The following CTNNA3 variants were observed in gnomAD, a reference collection of about 807,000 sequenced individuals.
The protein encoded by CTNNA3 is catenin alpha-3.
Under a neutral mutation model 95.7 loss-of-function variants are expected in CTNNA3, and 76 were observed. The observed-to-expected ratio is 0.79, with a 90% confidence interval of 0.66 to 0.96. The LOEUF is 0.96. CTNNA3 is among the 40% of genes least tolerant of loss of function. The pLI is 0.00. For missense variants in CTNNA3, 1,191 were observed against 1,089.8 expected (o/e 1.09, Z -1.31); for synonymous variants, 431 against 374.4 (o/e 1.15, Z -1.74).
chr10:66,815,179 G>A (rs768244392), intron 7 of CTNNA3, among the ~76,000 whole-genome samples: 5 of 152,032 alleles, frequency 3.3e-5, no homozygotes, highest in Non-Finnish European at 7.4e-5. Flanking sequence ...CAGCAAAATC[G>A]TCATAATTAA....
intron 7 of CTNNA3, among the ~76,000 whole-genome samples, chr10:66,913,158 G>T (rs1335767011): frequency 1.5e-5 from 2 of 131,486 alleles, no homozygotes; most frequent in African/African-American, 5.5e-5. Flanking sequence ...AGAATGGCGT[G>T]AACCCGGGAG....
At chr10:66,476,217 G>A (rs994794026) in intron 11 of CTNNA3, among the ~76,000 whole-genome samples, 5 of 151,908 alleles carry the variant, frequency 3.3e-5, no homozygotes, top group Admixed American at 2.0e-4. Flanking sequence ...CAGCAGGAAC[G>A]GGGGATGTGG....
At chr10:66,431,913 A>T (rs961773456) in intron 11 of CTNNA3, among the ~76,000 whole-genome samples, 4 of 152,158 alleles carry the variant, frequency 2.6e-5, no homozygotes, top group Non-Finnish European at 4.4e-5. Flanking sequence ...TATATATATA[A>T]AATCATTGTA....
At chr10:67,735,912 T>G (rs2133636135) in intron 1 of CTNNA3, among the ~76,000 whole-genome samples, 1 of 152,258 alleles carries the variant, frequency 6.6e-6, no homozygotes, top group Non-Finnish European at 1.5e-5. Flanking sequence ...ATCCAATGAT[T>G]AATGGATAAA....
intron 7 of CTNNA3, among the ~76,000 whole-genome samples, chr10:67,049,053 C>A (rs1438760481): frequency 7.4e-6 from 1 of 135,816 alleles, no homozygotes; most frequent in Non-Finnish European, 1.6e-5. Context: ...TTGTACTCTT[C>A]TTATCTTAAA....
chr10:66,551,279 C>T (rs1842207629), intron 10 of CTNNA3, among the ~76,000 whole-genome samples: 1 of 152,076 alleles, frequency 6.6e-6, no homozygotes, highest in South Asian at 2.1e-4. Flanking sequence ...ATGTTGTTTC[C>T]CTGTCTTCTG....
chr10:66,309,180 A>G (rs1007470362), intron 12 of CTNNA3, among the ~76,000 whole-genome samples: 12 of 152,180 alleles, frequency 7.9e-5, no homozygotes, highest in African/African-American at 2.9e-4. Context: ...CTCCTTAGGT[A>G]AAGTTTATGA....
At chr10:67,246,788 T>A (rs1189991787) in intron 5 of CTNNA3, among the ~76,000 whole-genome samples, 1 of 152,036 alleles carries the variant, frequency 6.6e-6, no homozygotes, top group Admixed American at 6.6e-5. Flanking sequence ...TAGGGAAAAA[T>A]TCCTTTCTAG....
intron 7 of CTNNA3, among the ~76,000 whole-genome samples, chr10:66,855,246 C>T (rs1843644250): frequency 1.3e-5 from 2 of 151,866 alleles, no homozygotes; most frequent in Admixed American, 1.3e-4. Flanking sequence ...ATCTAGCGAT[C>T]TTTGTAAATC....
chr10:67,280,179 C>T (rs1415115313), intron 5 of CTNNA3, among the ~76,000 whole-genome samples: 3 of 150,128 alleles, frequency 2.0e-5, no homozygotes, highest in Non-Finnish European at 4.4e-5. Flanking sequence ...GAGTGGAACC[C>T]TCTCTCTCAA....
Position 66,146,147 on chromosome 10 carries a change from C to T in CTNNA3, c.1885-42898G>A, listed in dbSNP as rs556917236. Among the ~76,000 whole-genome samples the T allele has an allele frequency of 5.3e-5, 8 of 152,176 alleles. 1 individual carries two copies. The South Asian group carries it at 1.5e-3, about 28-fold the overall frequency. ...GATTACAGGCATGAGCCACCGTGCC[C>T]GGCCGAAGTGGCTTTTTTATATCTC... On this transcript the variant is annotated intron_variant, in intron 13 of 17. Transcript: ENST00000433211.
chr10:67,181,476 C>T (rs1393491501), intron 6 of CTNNA3, among the ~76,000 whole-genome samples: 1 of 152,100 alleles, frequency 6.6e-6, no homozygotes, highest in Non-Finnish European at 1.5e-5. Context: ...AATAAAAGCT[C>T]TCTGAAGAAC....
intron 11 of CTNNA3, among the ~76,000 whole-genome samples, chr10:66,387,067 A>C (rs1383061232): frequency 1.3e-5 from 2 of 152,196 alleles, no homozygotes; most frequent in African/African-American, 4.8e-5. Context: ...CACCAAACAC[A>C]ATGGCAACAA....
intron 15 of CTNNA3, among the ~76,000 whole-genome samples, chr10:66,040,849 A>T (rs567133120): frequency 6.6e-6 from 1 of 152,330 alleles, no homozygotes; most frequent in African/African-American, 2.4e-5. Context: ...TATAATAACA[A>T]ATCTGTACAT....
chr10:66,786,469 A>T (rs1370926610), intron 7 of CTNNA3, among the ~76,000 whole-genome samples: 1 of 152,190 alleles, frequency 6.6e-6, no homozygotes, highest in Non-Finnish European at 1.5e-5. Flanking sequence ...CAATAGGTCT[A>T]AGCTGTGGAA....
intron 9 of CTNNA3, among the ~76,000 whole-genome samples, chr10:66,761,258 T>G (rs1839587394): frequency 6.6e-6 from 1 of 152,108 alleles, no homozygotes; most frequent in African/African-American, 2.4e-5. Context: ...ATCAGCTTTG[T>G]AGGTGGTAGG....
chr10:67,692,881 A>G (rs1840896107), intron 1 of CTNNA3, among the ~76,000 whole-genome samples: 1 of 152,230 alleles, frequency 6.6e-6, no homozygotes, highest in Non-Finnish European at 1.5e-5. Flanking sequence ...GCTAATTTAA[A>G]GTAGGGGCCT....
At chr10:66,904,069 A>ATTATGGACGAC (rs1845877585) in intron 7 of CTNNA3, among the ~76,000 whole-genome samples, 1 of 152,208 alleles carries the variant, frequency 6.6e-6, no homozygotes, top group Non-Finnish European at 1.5e-5. Context: ...CTGCATAGCC[A>ATTATGGACGAC]AGATAATCCT....
chr10:66,277,451 T>A (rs912712896), intron 13 of CTNNA3, among the ~76,000 whole-genome samples: 6 of 152,266 alleles, frequency 3.9e-5, no homozygotes, highest in Middle Eastern at 3.4e-3. Context: ...TTTGCAGTTC[T>A]AAGGCCAGAA....
Sources: gnomAD v4.1 joint callset for allele counts (sites outside exome capture counted in the v4.1 genomes callset) on GRCh38, gnomAD v4.1.1 for gene constraint, MANE v1.5 for transcripts, NCBI Gene and HGNC (gene_info 2026-07-23, HGNC 2026-07-21) for gene names.